The following RECQL5 variants were observed in gnomAD, a reference collection of about 807,000 sequenced individuals.
The protein encoded by RECQL5 is ATP-dependent DNA helicase Q5.
RECQL5 carries 88 observed loss-of-function variants against 103.4 expected under a neutral mutation model. The observed-to-expected ratio is 0.85, with a 90% CI of 0.72 to 1.02. The LOEUF (loss-of-function observed/expected upper bound fraction) is 1.02. RECQL5 is among the 50% of genes least tolerant of loss of function. The pLI, the probability that RECQL5 is intolerant of heterozygous loss-of-function variation, is 0.00. For synonymous variants in RECQL5, 552 were observed against 507.9 expected, an observed-to-expected ratio of 1.09 and a Z score of -1.17; for missense variants, 1,232 against 1,284.3, an observed-to-expected ratio of 0.96 and a Z score of 0.62.
Position 75,661,618 on chromosome 17 carries a change from C to T in RECQL5, c.862G>A (p.Ala288Thr), listed in dbSNP as rs749768889. The T allele has an allele frequency of 1.9e-6, 3 of 1,613,864 alleles. No homozygotes were observed. Among genetic ancestry groups the T allele is most frequent in the South Asian group, 1.1e-5 (1 of 91,074 alleles). Residue 288 changes from alanine to threonine, a missense_variant, in exon 5 of 20, where the codon GCT becomes ACT. Physicochemically the swap from Ala to Thr is moderately conservative, Grantham distance 58. Coordinates refer to ENST00000317905, the MANE Select transcript of RECQL5 (RefSeq NM_004259.7). ...ELSCRGVNAK[A>T]YHAGLKASER... is the part of the protein sequence containing the mutation. ...GGGTGCCCCTTACCTGCATGGTAAG[C>T]CTTGGCGTTCACACCCCTGCAGCTG...
chr17:75,664,014 A>G (rs2059733622), intron 3 of RECQL5, among the ~76,000 whole-genome samples: 1 of 138,588 alleles, frequency 7.2e-6, no homozygotes, highest in African/African-American at 2.6e-5. Flanking sequence ...AGAACACGCC[A>G]TTGCACTCAA....
chr17:75,640,056 C>T lies in RECQL5; in HGVS notation c.1230-8388G>A. 1 of 1,210,780 alleles carries T rather than the reference C, an allele frequency of 8.3e-7. No individual in the cohort carries two copies. The highest frequency in any genetic ancestry group is 1.1e-6 in the Non-Finnish European group (1 of 898,804). The allele number at this position is 1,210,780 out of a possible 1,614,324, so 75.0% of individuals were successfully genotyped here. A position where few individuals can be genotyped will look rare whatever the true frequency, so the allele number is the denominator to read the frequency against. ...TCACCAGGGGTGCAATGTGTGAGAC[C>T]TGACAAACTTGTTCTGCGGGCTGCG... On this transcript the variant is annotated intron_variant, in intron 8 of 19. Coordinates refer to ENST00000317905, the MANE Select transcript of RECQL5 (RefSeq NM_004259.7). The surrounding 1 kb of genome is among the most constrained non-coding windows in gnomAD (Gnocchi z 4.6).
chr17:75,657,202 C>T (rs1385564306), intron 7 of RECQL5, among the ~76,000 whole-genome samples: 2 of 152,082 alleles, frequency 1.3e-5, no homozygotes, highest in Non-Finnish European at 2.9e-5. Context: ...GAGCTCGTCT[C>T]TACAAAACAA....
At position 75,629,007 on chromosome 17, in the gene RECQL5, C is replaced by T. The variant is rs2059157119; in HGVS notation, c.2416G>A (p.Gly806Arg). Residue 806 changes from glycine (G) to arginine (R), a missense_variant, in exon 16 of 20, where the codon GGG (glycine) becomes AGG (arginine). Gly to Arg is a moderately radical substitution (Grantham distance 125). Coordinates refer to ENST00000317905, the MANE Select transcript of RECQL5 (RefSeq NM_004259.7). The part of the protein sequence containing the change: ...GPPMAPEKYT[G>R]EEDGAGGHSP... ...TGTCCCCCGGCTCCATCTTCCTCCC[C>T]TGTGTACTTCTCTGGGGCCATCGGG... 6.4e-7 allele frequency: 1 copy of T among 1,573,260 alleles called. No individual in the cohort carries two copies. Among genetic ancestry groups the T allele is most frequent in the African/African-American group, 1.4e-5 (1 of 73,422 alleles).
In RECQL5 at chr17:75,627,531, T is replaced by G. The variant is rs752324215; in HGVS notation, c.2876-9A>C. On this transcript the variant is annotated splice_polypyrimidine_tract_variant and intron_variant, in intron 19 of 19. Coordinates refer to ENST00000317905, the MANE Select transcript of RECQL5 (RefSeq NM_004259.7). ...CTGGGCCTCTTCTTTCACTACAGATTCAGGGTGGGGGCATGAGGAGGTGAG... is the reference window on the plus strand; with the variant it reads ...CTGGGCCTCTTCTTTCACTACAGATGCAGGGTGGGGGCATGAGGAGGTGAG... 2.3e-5 allele frequency: 37 copies of G among 1,613,680 alleles called. No individual in the cohort carries two copies. In the South Asian group the frequency reaches 3.8e-4, roughly 17 times the overall value.
intron 18 of RECQL5, 35 bp downstream of exon 18, chr17:75,628,183 C>CA: frequency 6.4e-7 from 1 of 1,560,856 alleles, no homozygotes; most frequent in South Asian, 1.1e-5. Flanking sequence ...ATACCCCAGG[C>CA]ATGGGAGAAG....
At position 75,627,205 on chromosome 17, in the gene RECQL5, C is replaced by G; in HGVS notation, c.*217G>C. 1.5e-6 allele frequency: 1 copy of G among 662,120 alleles called. No individual in the cohort carries two copies. Among genetic ancestry groups the G allele is most frequent in the South Asian group, 1.5e-5 (1 of 66,086 alleles). The allele number at this position is 662,120 out of a possible 1,614,324, so 41.0% of individuals were successfully genotyped here. ...CCAGAAAACCCAGCCATGAGGACCG[C>G]TCTGAGAAGGGTCTATAGGCTTTGC... On this transcript the variant is annotated 3_prime_UTR_variant, in exon 20 of 20. Coordinates refer to ENST00000317905, the MANE Select transcript of RECQL5 (RefSeq NM_004259.7).
intron 9 of RECQL5, 83 bp from the exon 10 acceptor site, chr17:75,631,332 G>C: frequency 4.5e-6 from 7 of 1,539,620 alleles, no homozygotes; most frequent in Non-Finnish European, 6.3e-6. Flanking sequence ...CAATGTCCCT[G>C]ATGTCCTACC....
intron 8 of RECQL5, among the ~76,000 whole-genome samples, chr17:75,643,007 C>A (rs1052269130): frequency 1.3e-5 from 2 of 152,248 alleles, no homozygotes; most frequent in Admixed American, 1.3e-4. Flanking sequence ...AACACCCACA[C>A]CCCAAACTCT....
intron 15 of RECQL5, 64 bp from the exon 16 acceptor site, chr17:75,629,539 C>G: frequency 6.7e-7 from 1 of 1,499,470 alleles, no homozygotes; most frequent in Non-Finnish European, 8.9e-7. Flanking sequence ...GCACCGCTGG[C>G]TGGAGCAGTA....
At chr17:75,633,735 A>C in intron 8 of RECQL5, 1 of 1,095,814 alleles carries the variant, frequency 9.1e-7, no homozygotes, top group South Asian at 2.1e-5. Context: ...CCCAGACCTG[A>C]GAGCGCTGCA....
At position 75,655,654 on chromosome 17, in the gene RECQL5, G is replaced by A. The variant is rs541140938; in HGVS notation, c.1149+2644C>T. Among the ~76,000 whole-genome samples, 89 of 152,012 alleles carry A rather than the reference G, an allele frequency of 5.9e-4. 1 individual carries two copies. Among genetic ancestry groups the A allele is most frequent in the African/African-American group, 1.9e-3 (78 of 41,458 alleles). ...GCTGGGATTACAGGCGTGAGCCACC[G>A]CACCTGGCCTTTTTAATTTTTATTT... On this transcript the variant is annotated intron_variant, in intron 7 of 19. Transcript: ENST00000317905.
chr17:75,627,397 C>G lies in RECQL5; in HGVS notation c.*25G>C. On this transcript the variant is annotated 3_prime_UTR_variant, in exon 20 of 20. Transcript: ENST00000317905. The stretch of plus-strand genomic sequence containing the variant: ...CCATGCTAGAATCTGGGGGAGGACG[C>G]GGGCCCTGCCCAGCCAGCAGTTGGT... 1 of 1,586,996 alleles carries G rather than the reference C, an allele frequency of 6.3e-7. No homozygotes were observed. The highest frequency in any genetic ancestry group is 1.1e-5 in the South Asian group (1 of 90,534).
chr17:75,627,249 G>C lies in RECQL5; in HGVS notation c.*173C>G. The C allele has an allele frequency of 1.5e-6, 1 of 685,728 alleles. No homozygotes were observed. Among genetic ancestry groups the C allele is most frequent in the Non-Finnish European group, 2.6e-6 (1 of 377,466 alleles). 42.5% of individuals were successfully genotyped at this position (685,728 alleles called of 1,614,324 possible). ...GCTTTGCAAGCAGAAAGAAAGGTGG[G>C]CTGACCTCTGACCTGGATTCAGGGG... On this transcript the variant is annotated 3_prime_UTR_variant, in exon 20 of 20. Coordinates refer to ENST00000317905, the MANE Select transcript of RECQL5 (RefSeq NM_004259.7).
At chr17:75,650,857 C>T in intron 8 of RECQL5, 4 of 1,467,248 alleles carry the variant, frequency 2.7e-6, no homozygotes, top group Admixed American at 2.4e-5. Flanking sequence ...CTCGGTGGCA[C>T]ATGATGACCA....
intron 8 of RECQL5, among the ~76,000 whole-genome samples, chr17:75,643,035 G>A (rs1029198666): frequency 1.3e-5 from 2 of 152,218 alleles, no homozygotes; most frequent in Non-Finnish European, 2.9e-5. Flanking sequence ...AATAACCTTC[G>A]CAGGACTGGG....
chr17:75,661,827 T>C, intron 4 of RECQL5, 119 bp from the exon 5 acceptor site: 1 of 691,548 alleles, frequency 1.4e-6, no homozygotes, highest in Non-Finnish European at 2.5e-6. Flanking sequence ...TTCAGTCTCT[T>C]CTGAGGCAGG....
In RECQL5 at chr17:75,658,444, T is replaced by C. The variant is rs757967452; in HGVS notation, c.1003A>G (p.Asn335Asp). The C allele has an allele frequency of 6.2e-7, 1 of 1,613,496 alleles. No individual in the cohort carries two copies. The highest frequency in any genetic ancestry group is 8.5e-7 in the Non-Finnish European group (1 of 1,179,686). ...KANVRFVAHWNIAKSMAGYYQ... is the reference protein window; with the variant it reads ...KANVRFVAHWDIAKSMAGYYQ... Reference sequence around the variant, plus strand: ...TACCCAGCCATAGACTTGGCAATATTCCAATGGGCGACAAACCTGTAGGAT... The same window carrying C: ...TACCCAGCCATAGACTTGGCAATATCCCAATGGGCGACAAACCTGTAGGAT... Residue 335 changes from asparagine to aspartate, a missense_variant, in exon 7 of 20, where the codon AAT becomes GAT. Coordinates refer to ENST00000317905, the MANE Select transcript of RECQL5 (RefSeq NM_004259.7).
intron 7 of RECQL5, among the ~76,000 whole-genome samples, chr17:75,656,365 A>C (rs1022462197): frequency 9.2e-5 from 14 of 152,332 alleles, no homozygotes; most frequent in African/African-American, 3.4e-4. Context: ...GGCGTGAGCC[A>C]CCGCACCCAG....
Sources: gnomAD v4.1 joint callset for allele counts (sites outside exome capture counted in the v4.1 genomes callset) on GRCh38, gnomAD v4.1.1 for gene constraint, Gnocchi (gnomAD v3.1) non-coding constraint, MANE v1.5 for transcripts, NCBI Gene and HGNC (gene_info 2026-07-23, HGNC 2026-07-21) for gene names.